The following IFNGR2 variants were observed in gnomAD, a reference collection of about 807,000 sequenced individuals.
IFNGR2 encodes the protein interferon gamma receptor 2.
Under a neutral mutation model 41.1 loss-of-function variants are expected in IFNGR2, and 15 were observed. The observed-to-expected ratio is 0.37, with a 90% confidence interval of 0.24 to 0.56. The LOEUF is 0.56. Among genes scored for constraint, IFNGR2 ranks in the 20% least tolerant of loss-of-function variants. The pLI, the probability that IFNGR2 is intolerant of heterozygous loss-of-function variation, is 0.81. For missense variants in IFNGR2, 362 were observed against 415.7 expected (o/e 0.87, Z 1.12); for synonymous variants, 161 against 171.6 (o/e 0.94, Z 0.48).
intron 1 of IFNGR2, among the ~76,000 whole-genome samples, chr21:33,412,372 AG>A (rs1443404722): frequency 6.6e-6 from 1 of 152,168 alleles, no homozygotes; most frequent in Non-Finnish European, 1.5e-5. Context: ...GTGCTTACAT[AG>A]GTTTGGGTTA....
chr21:33,415,082 G>C, intron 2 of IFNGR2, 62 bp downstream of exon 2: 1 of 1,589,720 alleles, frequency 6.3e-7, no homozygotes, highest in Non-Finnish European at 8.6e-7. Context: ...CGGAACCCTG[G>C]GGCCACATAC....
chr21:33,431,394 A>G (rs922566943), intron 4 of IFNGR2, among the ~76,000 whole-genome samples: 2 of 152,056 alleles, frequency 1.3e-5, no homozygotes, highest in African/African-American at 4.8e-5. Context: ...ACATGGTGAA[A>G]CCCTGTTTCT....
chr21:33,436,184 C>T (rs1246103571), intron 6 of IFNGR2, among the ~76,000 whole-genome samples: 4 of 150,888 alleles, frequency 2.7e-5, no homozygotes, highest in East Asian at 3.9e-4. Flanking sequence ...TGGGAAACCC[C>T]GTCTCTACTT....
chr21:33,403,624 G>T lies in IFNGR2; in HGVS notation c.73+8G>T, dbSNP rs767210895. ...CCGCCGCGGCCCCGCCAGGTGAGCC[G>T]GGCCTGGGCCTCCGCGGCGGGACGC... On this transcript the variant is annotated splice_region_variant and intron_variant, in intron 1 of 6. Coordinates refer to ENST00000290219, the MANE Select transcript of IFNGR2 (RefSeq NM_005534.4). 20 of 1,320,032 alleles carry T rather than the reference G, an allele frequency of 1.5e-5. No individual in the cohort carries two copies. The East Asian group carries it at 6.2e-4, about 41-fold the overall frequency. 81.8% of individuals were successfully genotyped at this position (1,320,032 alleles called of 1,614,324 possible). A position where few individuals can be genotyped will look rare whatever the true frequency, so the allele number is the denominator to read the frequency against.
At chr21:33,423,569 A>AT (rs1306779947) in intron 3 of IFNGR2, among the ~76,000 whole-genome samples, 1 of 151,052 alleles carries the variant, frequency 6.6e-6, no homozygotes, top group Non-Finnish European at 1.5e-5. Flanking sequence ...TGCCCGTCTA[A>AT]TTTTTTGTAT....
chr21:33,414,384 C>G (rs2083738957), intron 1 of IFNGR2, among the ~76,000 whole-genome samples: 1 of 152,198 alleles, frequency 6.6e-6, no homozygotes, highest in South Asian at 2.1e-4. Flanking sequence ...TGCACGTGTG[C>G]ACGTATTTGC....
chr21:33,403,592 G>A lies in IFNGR2; in HGVS notation c.49G>A (p.Ala17Thr). ...WSLLLLLGVF[A>T]AAAAAPPDPL... ...GCTGCTGCTGCTGCTCGGAGTCTTC[G>A]CCGCCGCCGCCGCGGCCCCGCCAGG... The change falls in exon 1 of 7, where the codon GCC becomes ACC. Residue 17 changes from alanine to threonine, a missense_variant. Coordinates refer to ENST00000290219, the MANE Select transcript of IFNGR2 (RefSeq NM_005534.4). The A allele has an allele frequency of 7.6e-7, 1 of 1,317,988 alleles. No homozygotes were observed. Among genetic ancestry groups the A allele is most frequent in the Non-Finnish European group, 9.7e-7 (1 of 1,026,816 alleles). The allele number at this position is 1,317,988 out of a possible 1,614,324, so 81.6% of individuals were successfully genotyped here.
At chr21:33,427,842 A>C (rs8126514) in intron 4 of IFNGR2, among the ~76,000 whole-genome samples, 1 of 39,452 alleles carries the variant, frequency 2.5e-5, no homozygotes, top group East Asian at 1.3e-3. Context: ...ATCTCATTTC[A>C]TCTTTTTTTT....
chr21:33,422,877 C>CAAAA (rs71194843), intron 3 of IFNGR2, among the ~76,000 whole-genome samples: 24 of 34,950 alleles, frequency 6.9e-4, no homozygotes, highest in Admixed American at 1.1e-3. Flanking sequence ...AACTCCATCT[C>CAAAA]AAAAAAAAAA....
At chr21:33,419,588 A>G (rs187120626) in intron 2 of IFNGR2, among the ~76,000 whole-genome samples, 8 of 151,990 alleles carry the variant, frequency 5.3e-5, no homozygotes, top group Admixed American at 4.6e-4. Flanking sequence ...TTCTGTGTGG[A>G]CATTGTATGT....
In IFNGR2 at chr21:33,403,553, A is replaced by T. The variant is rs1274617175; in HGVS notation, c.10A>T (p.Thr4Ser). Residue 4 changes from threonine to serine, a missense_variant, in exon 1 of 7, where the codon ACG becomes TCG. Coordinates refer to ENST00000290219, the MANE Select transcript of IFNGR2 (RefSeq NM_005534.4). ...CCGAGCGCCCGGGGCCATGCGACCG[A>T]CGCTGCTGTGGTCGCTGCTGCTGCT... MRPTLLWSLLLLLG... is the reference protein window; with the variant it reads MRPSLLWSLLLLLG... The T allele has an allele frequency of 7.4e-7, 1 of 1,354,746 alleles. No individual in the cohort carries two copies. The highest frequency in any genetic ancestry group is 2.7e-4 in the Middle Eastern group (1 of 3,642). The allele number at this position is 1,354,746 out of a possible 1,614,324, so 83.9% of individuals were successfully genotyped here.
chr21:33,414,817 G>A, intron 1 of IFNGR2, 71 bp from the exon 2 acceptor site: 3 of 1,497,556 alleles, frequency 2.0e-6, no homozygotes, highest in Non-Finnish European at 2.7e-6. Flanking sequence ...AATGGACATT[G>A]AAACATTTTT....
intron 4 of IFNGR2, among the ~76,000 whole-genome samples, chr21:33,427,407 C>G (rs1198723864): frequency 6.6e-6 from 1 of 152,158 alleles, no homozygotes; most frequent in Non-Finnish European, 1.5e-5. Flanking sequence ...CAAGGCTTAA[C>G]TGTATAAATG....
intron 1 of IFNGR2, among the ~76,000 whole-genome samples, chr21:33,407,087 A>G (rs1222329430): frequency 6.6e-6 from 1 of 152,164 alleles, no homozygotes; most frequent in Non-Finnish European, 1.5e-5. Flanking sequence ...AGATAGAAAA[A>G]TGTAACCAAC....
chr21:33,406,897 C>T (rs1002636084), intron 1 of IFNGR2, among the ~76,000 whole-genome samples: 1 of 152,054 alleles, frequency 6.6e-6, no homozygotes, highest in Non-Finnish European at 1.5e-5. Context: ...GATCCACCCG[C>T]CTCAGCCTCC....
intron 1 of IFNGR2, among the ~76,000 whole-genome samples, chr21:33,405,719 G>C (rs1452978472): frequency 3.3e-5 from 5 of 152,080 alleles, no homozygotes; most frequent in African/African-American, 1.2e-4. Context: ...TATGTGATAT[G>C]TTGCAAAATA....
intron 3 of IFNGR2, among the ~76,000 whole-genome samples, chr21:33,423,936 G>T (rs1192148181): frequency 1.3e-5 from 2 of 151,422 alleles, no homozygotes; most frequent in East Asian, 3.9e-4. Flanking sequence ...CAAGCCATTT[G>T]TCCTTGGGTG....
chr21:33,437,278 C>A lies in IFNGR2; in HGVS notation c.*316C>A. The A allele has an allele frequency of 9.4e-6, 3 of 317,830 alleles. No individual in the cohort carries two copies. Among genetic ancestry groups the A allele is most frequent in the South Asian group, 6.2e-5 (2 of 32,286 alleles). 19.7% of individuals were successfully genotyped at this position (317,830 alleles called of 1,614,324 possible). A position where few individuals can be genotyped will look rare whatever the true frequency, so the allele number is the denominator to read the frequency against. ...TATGACACATCTCTGATACTTTTTT[C>A]ATTATTGGTTGGGCTGAGCAGTCAG... On this transcript the variant is annotated 3_prime_UTR_variant, in exon 7 of 7. Transcript: ENST00000290219.
intron 2 of IFNGR2, among the ~76,000 whole-genome samples, chr21:33,416,212 AG>A (rs764472440): frequency 2.0e-5 from 3 of 152,186 alleles, no homozygotes; most frequent in African/African-American, 4.8e-5. Flanking sequence ...ATCAAAAAAA[AG>A]AGAGACAAAA....
Sources: gnomAD v4.1 joint callset for allele counts (sites outside exome capture counted in the v4.1 genomes callset) on GRCh38, gnomAD v4.1.1 for gene constraint, MANE v1.5 for transcripts, NCBI Gene and HGNC (gene_info 2026-07-23, HGNC 2026-07-21) for gene names.